The following SEC24D variants were observed in gnomAD, a reference collection of about 807,000 sequenced individuals.
SEC24D encodes SEC24 homolog D, COPII component.
A neutral mutation model predicts 116.9 loss-of-function variants in SEC24D; 69 were observed. The observed-to-expected ratio is 0.59, with a 90% CI of 0.49 to 0.72. The LOEUF is 0.72. Among genes scored for constraint, SEC24D ranks in the 30% least tolerant of loss-of-function variants. SEC24D has a pLI of 0.00. For missense variants in SEC24D, 1,131 were observed against 1,264.1 expected (o/e 0.89, Z 1.60); for synonymous variants, 405 against 442.8 (o/e 0.91, Z 1.07).
intron 8 of SEC24D, among the ~76,000 whole-genome samples, chr4:118,778,230 A>G (rs1728238607): frequency 6.6e-6 from 1 of 152,128 alleles, no homozygotes; most frequent in African/African-American, 2.4e-5. Context: ...TAGGGTTTTT[A>G]TGGTTTTAGG....
At chr4:118,819,679 T>C (rs1419043807) in intron 3 of SEC24D, among the ~76,000 whole-genome samples, 1 of 152,100 alleles carries the variant, frequency 6.6e-6, no homozygotes, top group African/African-American at 2.4e-5. Flanking sequence ...AAACTGGGGA[T>C]GTTGCATTTA....
chr4:118,796,063 G>C (rs1729166052), intron 8 of SEC24D, among the ~76,000 whole-genome samples: 1 of 152,072 alleles, frequency 6.6e-6, no homozygotes, highest in East Asian at 1.9e-4. Flanking sequence ...AAAAAAGATG[G>C]GTTGATGGAC....
rs138575893 is a variant in SEC24D, at chr4:118,818,195, G to A, written c.249-783C>T. Among the ~76,000 whole-genome samples, 573 of 152,310 alleles carry A rather than the reference G, an allele frequency of 3.8e-3. 4 individuals carry two copies. The highest frequency in any genetic ancestry group is 0.013 in the African/African-American group (537 of 41,568). On this transcript the variant is annotated intron_variant, in intron 3 of 22. Coordinates refer to ENST00000280551, the MANE Select transcript of SEC24D (RefSeq NM_014822.4). ...AATCTGCCAAATGCGATTAAAGCCT[G>A]CCTGAGAGTCACATTATAAATTCTT...
chr4:118,744,502 A>G (rs967606959), intron 14 of SEC24D, among the ~76,000 whole-genome samples: 2 of 152,228 alleles, frequency 1.3e-5, no homozygotes, highest in African/African-American at 4.8e-5. Flanking sequence ...GGGTCCCTAT[A>G]TCCATAGCCT....
At chr4:118,823,633 T>A (rs1418199135) in intron 3 of SEC24D, among the ~76,000 whole-genome samples, 2 of 152,210 alleles carry the variant, frequency 1.3e-5, no homozygotes, top group Non-Finnish European at 2.9e-5. Flanking sequence ...CCTCACCGGA[T>A]AAACAATAAT....
Position 118,768,177 on chromosome 4 carries a change from A to G in SEC24D, c.1176T>C (p.Asn392=), listed in dbSNP as rs1395768858. 1 of 1,612,988 alleles carries G rather than the reference A, an allele frequency of 6.2e-7. No individual in the cohort carries two copies. The highest frequency in any genetic ancestry group is 8.5e-7 in the Non-Finnish European group (1 of 1,179,516). ...RYQCGFCNCV[N]DVPPFYFQHL... is the part of the protein sequence containing the mutation. ...GCTTTTAATGGCACTGCTTACCATC[A>G]TTCACACAGTTGCAAAATCCACACT... The change falls in exon 9 of 23, where the codon AAT becomes AAC. Residue 392 remains asparagine, a synonymous_variant. Coordinates refer to ENST00000280551, the MANE Select transcript of SEC24D (RefSeq NM_014822.4).
In SEC24D at chr4:118,823,629, C is replaced by T. The variant is rs534950818; in HGVS notation, c.248+991G>A. ...CAGGTTCTCAGCAGCTACACCTCACCGGATAAACAATAATGGGATTTCTAA... is the reference window on the plus strand; with the variant it reads ...CAGGTTCTCAGCAGCTACACCTCACTGGATAAACAATAATGGGATTTCTAA... On this transcript the variant is annotated intron_variant, in intron 3 of 22. Transcript: ENST00000280551. 4.6e-5 allele frequency among the ~76,000 whole-genome samples: 7 copies of T among 152,302 alleles called. 1 individual carries two copies. The highest frequency in any genetic ancestry group is 9.6e-5 in the African/African-American group (4 of 41,570).
chr4:118,830,380 T>C (rs997950422), intron 2 of SEC24D, among the ~76,000 whole-genome samples: 7 of 152,250 alleles, frequency 4.6e-5, no homozygotes, highest in Non-Finnish European at 8.8e-5. Context: ...CTGGGAAACA[T>C]AGGGAGATCC....
chr4:118,736,299 C>G (rs982686190), intron 19 of SEC24D: 1 of 154,132 alleles, frequency 6.5e-6, no homozygotes, highest in Non-Finnish European at 1.5e-5. Context: ...GCCACCATGC[C>G]CAGCCATATG....
chr4:118,789,256 A>G (rs1000027683), intron 8 of SEC24D, among the ~76,000 whole-genome samples: 1 of 152,248 alleles, frequency 6.6e-6, no homozygotes, highest in Non-Finnish European at 1.5e-5. Context: ...AGAAGGGATG[A>G]CATGGTCATA....
rs146307367 is a variant in SEC24D at position 118,768,215 on chromosome 4, C to T, written c.1138G>A (p.Gly380Arg). 10 of 1,613,800 alleles carry T rather than the reference C, an allele frequency of 6.2e-6. No homozygotes were observed. The highest frequency in any genetic ancestry group is 3.3e-5 in the Admixed American group (2 of 59,980). The change falls in exon 9 of 23, where the codon GGA (glycine) becomes AGA (arginine). Residue 380 changes from glycine (G) to arginine (R), a missense_variant. Transcript: ENST00000280551. ...CAAAATCCACACTGATATCTCCTTC[C>T]TCCTTCGATGAACTGCATAAATGGG... ...MCPFMQFIEG[G>R]RRYQCGFCNC... is the part of the protein sequence containing the mutation.
intron 6 of SEC24D, among the ~76,000 whole-genome samples, chr4:118,810,375 T>C (rs1238680567): frequency 1.3e-5 from 2 of 151,906 alleles, no homozygotes; most frequent in African/African-American, 4.8e-5. Flanking sequence ...ATAGACAAGG[T>C]AGGACCAAGA....
rs145064279 is a variant in SEC24D, at chr4:118,774,749, A to G, written c.1042-6438T>C. ...TTGTCTCTGGTCATTTCTCTCTTCC[A>G]TTCTCTATAGGAGCTGCCATATACC... On this transcript the variant is annotated intron_variant, in intron 8 of 22. Transcript: ENST00000280551. Among the ~76,000 whole-genome samples the G allele has an allele frequency of 3.1e-3, 471 of 152,130 alleles. 1 individual carries two copies. The highest frequency in any genetic ancestry group is 0.011 in the African/African-American group (447 of 41,520).
intron 22 of SEC24D, among the ~76,000 whole-genome samples, chr4:118,724,939 C>A (rs536612393): frequency 6.6e-6 from 1 of 152,200 alleles, no homozygotes; most frequent in Non-Finnish European, 1.5e-5. Context: ...ATGCAGTTAG[C>A]TGCTTCACCA....
rs1727170979 is a variant in SEC24D at position 118,757,717 on chromosome 4, T to C, written c.1421+4A>G. ...AGTTGTAAAAAGAATGACGGTTGCC[T>C]TACTTTGGAATTTTTTCCAGCATGG... is the stretch of plus-strand genomic sequence containing the variant. On this transcript the variant is annotated splice_donor_region_variant and intron_variant, in intron 11 of 22. Coordinates refer to ENST00000280551, the MANE Select transcript of SEC24D (RefSeq NM_014822.4). 6.2e-7 allele frequency: 1 copy of C among 1,605,094 alleles called. No homozygotes were observed. The highest frequency in any genetic ancestry group is 1.3e-5 in the African/African-American group (1 of 74,346).
chr4:118,752,944 G>C, intron 11 of SEC24D, 56 bp from the exon 12 acceptor site: 8 of 1,290,640 alleles, frequency 6.2e-6, no homozygotes, highest in Non-Finnish European at 8.5e-6. Flanking sequence ...TGAAAAGGAG[G>C]TTTCTATCTG....
chr4:118,732,771 C>T lies in SEC24D; in HGVS notation c.2638G>A (p.Asp880Asn). 6.2e-7 allele frequency: 1 copy of T among 1,614,108 alleles called. No homozygotes were observed. The highest frequency in any genetic ancestry group is 8.5e-7 in the Non-Finnish European group (1 of 1,179,976). The change falls in exon 20 of 23, where the codon GAC becomes AAC. Residue 880 changes from aspartate (D) to asparagine (N), a missense_variant. Transcript: ENST00000280551. ...RQLVMTMGVADSQLFFYPQLL... is the reference protein window; with the variant it reads ...RQLVMTMGVANSQLFFYPQLL... ...TGTGGGTAGAAGAAAAGCTGAGAGT[C>T]AGCCACACCCATGGTCATGACCAGC...
chr4:118,782,386 C>G lies in SEC24D; in HGVS notation c.1042-14075G>C, dbSNP rs560201976. 5.3e-5 allele frequency among the ~76,000 whole-genome samples: 8 copies of G among 152,218 alleles called. No individual in the cohort carries two copies. In the South Asian group the frequency reaches 8.3e-4, roughly 16 times the overall value. The stretch of plus-strand genomic sequence containing the variant: ...AGTTTGCTGGAGGTCCACTCCAGAC[C>G]CTGTTTGCCTGGGTATCACCAGCAG... On this transcript the variant is annotated intron_variant, in intron 8 of 22. Coordinates refer to ENST00000280551, the MANE Select transcript of SEC24D (RefSeq NM_014822.4).
At chr4:118,814,783 C>T (rs1730065826) in intron 6 of SEC24D, among the ~76,000 whole-genome samples, 1 of 150,146 alleles carries the variant, frequency 6.7e-6, no homozygotes, top group Non-Finnish European at 1.5e-5. Flanking sequence ...GTTTATATGA[C>T]ACCAAAAAAA....
Sources: gnomAD v4.1 joint callset for allele counts (sites outside exome capture counted in the v4.1 genomes callset) on GRCh38, gnomAD v4.1.1 for gene constraint, MANE v1.5 for transcripts, NCBI Gene and HGNC (gene_info 2026-07-23, HGNC 2026-07-21) for gene names.